Variants in MEI1 observed in about 807,000 individuals in gnomAD.
The protein encoded by MEI1 is meiosis inhibitor protein 1.
Under a neutral mutation model 146.2 loss-of-function variants are expected in MEI1, and 103 were observed. The ratio of observed to expected loss-of-function variants is 0.70; its 90% CI spans 0.60 to 0.83. MEI1 has a LOEUF of 0.83. Among genes scored for constraint, MEI1 ranks in the 40% least tolerant of loss-of-function variants. MEI1 has a pLI of 0.00. For missense variants in MEI1, 1,529 were observed against 1,533.0 expected (o/e 1.00, Z 0.04); for synonymous variants, 652 against 628.2 (o/e 1.04, Z -0.57).
chr22:41,755,867 C>T (rs936327792), intron 17 of MEI1, among the ~76,000 whole-genome samples: 5 of 152,108 alleles, frequency 3.3e-5, no homozygotes, highest in Non-Finnish European at 5.9e-5. Context: ...GTGGGACATG[C>T]GCTATCCTCA....
At chr22:41,742,496 A>G (rs2072965599) in intron 11 of MEI1, among the ~76,000 whole-genome samples, 1 of 152,238 alleles carries the variant, frequency 6.6e-6, no homozygotes. Flanking sequence ...CTTATTACGT[A>G]TTAAGCATCA....
chr22:41,795,632 A>C lies in MEI1; in HGVS notation c.3666+90A>C. ...GAGGGTGGGAGCTCTGGCCACAGCA[A>C]CCAAGGAATGGGAGGAGGGAAGTAC... is the stretch of plus-strand genomic sequence containing the variant. On this transcript the variant is annotated intron_variant, in intron 29 of 30. Transcript: ENST00000401548. This position sits in a 1 kb window ranked among gnomAD's most constrained non-coding sequence, Gnocchi z 4.2. The C allele has an allele frequency of 6.3e-7, 1 of 1,593,482 alleles. No homozygotes were observed. The highest frequency in any genetic ancestry group is 2.2e-5 in the East Asian group (1 of 44,566).
At chr22:41,723,724 A>G (rs560687362) in intron 6 of MEI1, among the ~76,000 whole-genome samples, 1 of 152,256 alleles carries the variant, frequency 6.6e-6, no homozygotes, top group East Asian at 1.9e-4. Flanking sequence ...TTACTCTTGA[A>G]TCCCTAGACC....
intron 26 of MEI1, among the ~76,000 whole-genome samples, chr22:41,793,320 C>T (rs775400059): frequency 4.7e-5 from 7 of 149,818 alleles, no homozygotes; most frequent in South Asian, 2.1e-4. Context: ...TGAGCCACCA[C>T]GATGGAGTTT....
intron 21 of MEI1, 78 bp downstream of exon 21, chr22:41,776,345 G>A: frequency 6.8e-7 from 1 of 1,474,158 alleles, no homozygotes; most frequent in East Asian, 2.3e-5. Flanking sequence ...TGTTAGGTCT[G>A]CTCCAGGAGA....
chr22:41,753,906 T>G, intron 16 of MEI1, 43 bp from the exon 17 acceptor site: 1 of 1,375,314 alleles, frequency 7.3e-7, no homozygotes, highest in Non-Finnish European at 1.0e-6. Context: ...CCAGCCAAAG[T>G]AGCAATGTCA....
chr22:41,740,036 G>A lies in MEI1; in HGVS notation c.1332-3044G>A, dbSNP rs11912567. Among the ~76,000 whole-genome samples the A allele has an allele frequency of 7.5e-3, 1,133 of 151,632 alleles. 16 individuals carry two copies. Among genetic ancestry groups the A allele is most frequent in the African/African-American group, 0.027 (1,107 of 41,342 alleles). On this transcript the variant is annotated intron_variant, in intron 11 of 30. Transcript: ENST00000401548. ...GATTATTTTACTTTTTTTTTGGTGGGGGGGGTGGAGTCTCGCTCTGTTGCT... is the reference window on the plus strand; with the variant it reads ...GATTATTTTACTTTTTTTTTGGTGGAGGGGGTGGAGTCTCGCTCTGTTGCT...
intron 11 of MEI1, among the ~76,000 whole-genome samples, chr22:41,738,403 G>A (rs554724590): frequency 1.3e-5 from 2 of 152,210 alleles, no homozygotes; most frequent in East Asian, 3.9e-4. Flanking sequence ...CCTGACCAAC[G>A]TGGTTCATCC....
At chr22:41,791,711 G>C (rs1191386490) in intron 26 of MEI1, among the ~76,000 whole-genome samples, 1 of 152,122 alleles carries the variant, frequency 6.6e-6, no homozygotes, top group Non-Finnish European at 1.5e-5. Flanking sequence ...GTCCATAGCA[G>C]CACTATTCAT....
In MEI1 at chr22:41,732,228, A is replaced by C; in HGVS notation, c.1097-17A>C. On this transcript the variant is annotated splice_polypyrimidine_tract_variant and intron_variant, in intron 9 of 30. Transcript: ENST00000401548. ...AGAGCACTGATCCCTGGCCTCTGTC[A>C]TGTCATCCTGTGGTAGGGATCGAGG... 2 of 1,592,218 alleles carry C rather than the reference A, an allele frequency of 1.3e-6. No homozygotes were observed. Among genetic ancestry groups the C allele is most frequent in the Non-Finnish European group, 8.6e-7 (1 of 1,166,992 alleles).
chr22:41,729,817 G>A (rs778767400), intron 8 of MEI1, 38 bp downstream of exon 8: 73 of 1,352,940 alleles, frequency 5.4e-5, no homozygotes, highest in Non-Finnish European at 7.4e-5. Flanking sequence ...CCCTATACTA[G>A]AAGGATGGGG....
intron 9 of MEI1, 109 bp downstream of exon 9, chr22:41,730,746 G>A: frequency 4.3e-6 from 3 of 691,914 alleles, no homozygotes; most frequent in South Asian, 1.6e-5. Flanking sequence ...GGGGAGCACT[G>A]AGTCTAGACA....
intron 17 of MEI1, among the ~76,000 whole-genome samples, chr22:41,757,225 G>T (rs1003820730): frequency 1.3e-5 from 2 of 152,234 alleles, no homozygotes; most frequent in Non-Finnish European, 2.9e-5. Context: ...CTCCCAAGTA[G>T]CTGGGACTAC....
chr22:41,799,000 G>T (rs2076480515), intron 30 of MEI1, among the ~76,000 whole-genome samples: 1 of 152,168 alleles, frequency 6.6e-6, no homozygotes, highest in Non-Finnish European at 1.5e-5. Context: ...GTGTGTGAGG[G>T]TAGTTTGCTT....
At chr22:41,753,626 T>C (rs2073917524) in intron 16 of MEI1, 1 of 183,980 alleles carries the variant, frequency 5.4e-6, no homozygotes, top group Non-Finnish European at 1.1e-5. Context: ...ATTACAGGTG[T>C]GTGCCACCAC....
intron 7 of MEI1, among the ~76,000 whole-genome samples, chr22:41,725,868 C>T (rs2071293721): frequency 6.6e-6 from 1 of 152,206 alleles, no homozygotes; most frequent in Non-Finnish European, 1.5e-5. Context: ...GCATCTTTCC[C>T]CAGTGCTCGG....
At chr22:41,785,920 T>TTA (rs2075964927) in intron 26 of MEI1, among the ~76,000 whole-genome samples, 4 of 139,426 alleles carry the variant, frequency 2.9e-5, no homozygotes, top group African/African-American at 5.3e-5. Context: ...ATTTTATTTT[T>TTA]TTTTTTTTGA....
Position 41,795,298 on chromosome 22 carries a change from G to A in MEI1, c.3535-113G>A. On this transcript the variant is annotated intron_variant, in intron 28 of 30. Coordinates refer to ENST00000401548, the MANE Select transcript of MEI1 (RefSeq NM_152513.4). This position sits in a 1 kb window ranked among gnomAD's most constrained non-coding sequence, Gnocchi z 4.2. ...CTAACTCTGAGCTCCTTGAAGGCAG[G>A]CAGGTTCTGTGGGCTTCAGGACAGT... 7.0e-7 allele frequency: 1 copy of A among 1,427,694 alleles called. No homozygotes were observed. The highest frequency in any genetic ancestry group is 9.6e-7 in the Non-Finnish European group (1 of 1,042,486). 88.4% of individuals were successfully genotyped at this position (1,427,694 alleles called of 1,614,324 possible).
At position 41,795,364 on chromosome 22, in the gene MEI1, G is replaced by C; in HGVS notation, c.3535-47G>C. The C allele has an allele frequency of 6.2e-7, 1 of 1,608,074 alleles. No individual in the cohort carries two copies. The highest frequency in any genetic ancestry group is 2.2e-5 in the East Asian group (1 of 44,786). On this transcript the variant is annotated intron_variant, in intron 28 of 30. Transcript: ENST00000401548. The surrounding 1 kb of genome is among the most constrained non-coding windows in gnomAD (Gnocchi z 4.2). ...GGCACAGCAGTTGTCTATGATGAAG[G>C]AGATGCCAAATCACTGGGTGTTTGG...
Sources: allele counts gnomAD v4.1 joint callset (sites outside exome capture counted in the v4.1 genomes callset), GRCh38; gene constraint gnomAD v4.1.1; non-coding constraint Gnocchi (gnomAD v3.1); transcripts MANE v1.5; gene names NCBI Gene and HGNC (gene_info 2026-07-23, HGNC 2026-07-21).